Variants in TRIM48 observed in about 807,000 individuals in gnomAD.
The protein encoded by TRIM48 is tripartite motif containing 48.
TRIM48 carries 31 observed loss-of-function variants against 29.5 expected under a neutral mutation model. That is an observed-to-expected ratio of 1.05 (90% CI 0.79 to 1.42). The LOEUF is 1.42. Ranked by LOEUF, TRIM48 falls within the 40% of genes most tolerant of loss-of-function variation. The pLI, the probability that TRIM48 is intolerant of heterozygous loss-of-function variation, is 0.00. For synonymous variants in TRIM48, 128 were observed against 90.6 expected (o/e 1.41, Z -2.34); for missense variants, 344 against 265.0 (o/e 1.30, Z -2.07).
chr11:55,266,856 G>T (rs932146017), intron 3 of TRIM48, among the ~76,000 whole-genome samples: 5 of 147,460 alleles, frequency 3.4e-5, no homozygotes, highest in Admixed American at 1.4e-4. Flanking sequence ...GGGAACCAAA[G>T]AAGTCTATGT....
chr11:55,262,170 A>G lies in TRIM48; in HGVS notation c.-98A>G. The G allele has an allele frequency of 1.1e-6, 1 of 908,558 alleles. No individual in the cohort carries two copies. Among genetic ancestry groups the G allele is most frequent in the Non-Finnish European group, 1.8e-6 (1 of 563,992 alleles). The allele number at this position is 908,558 out of a possible 1,614,324, so 56.3% of individuals were successfully genotyped here. A position where few individuals can be genotyped will look rare whatever the true frequency, so the allele number is the denominator to read the frequency against. On this transcript the variant is annotated 5_prime_UTR_variant, in exon 1 of 6. Transcript: ENST00000417545. Reference sequence around the variant, plus strand: ...AGACAAGCTCAGTTTTCTCCAAAGGAGAAGGAGTGCACTTAGAGGGAGCTG... The same window carrying G: ...AGACAAGCTCAGTTTTCTCCAAAGGGGAAGGAGTGCACTTAGAGGGAGCTG...
intron 3 of TRIM48, among the ~76,000 whole-genome samples, chr11:55,268,051 G>T (rs979018225): frequency 6.8e-6 from 1 of 147,736 alleles, no homozygotes; most frequent in African/African-American, 2.5e-5. Flanking sequence ...TGGATAATAG[G>T]TTCTGGGAAA....
chr11:55,268,365 T>A lies in TRIM48; in HGVS notation c.571T>A (p.Leu191Ile). The change falls in exon 4 of 6, where the codon TTA (leucine) becomes ATA (isoleucine). Residue 191 changes from leucine (L) to isoleucine (I), a missense_variant. By Grantham distance (5) the Leu-to-Ile change is conservative (BLOSUM62 2). Coordinates refer to ENST00000417545, the MANE Select transcript of TRIM48 (RefSeq NM_024114.5). ...ISHWKAFGDI[L>I]YRSESVLLHM... is the part of the protein sequence containing the mutation. Reference sequence around the variant, plus strand: ...TTTTTTACAGGCTTTTGGAGACATATTATACAGGTGAGTATGTACCTGGAT... The same window carrying A: ...TTTTTTACAGGCTTTTGGAGACATAATATACAGGTGAGTATGTACCTGGAT... The A allele has an allele frequency of 6.4e-7, 1 of 1,554,536 alleles. No individual in the cohort carries two copies. The highest frequency in any genetic ancestry group is 8.7e-7 in the Non-Finnish European group (1 of 1,143,760).
In TRIM48 at chr11:55,265,109, G is replaced by T. The variant is rs199871070; in HGVS notation, c.254G>T (p.Arg85Leu). ...CAGAGAAACCTCAAAACTAACATTC[G>T]ATTGAAGAAGATGGCTTCCCTTGCC... ...IQQRNLKTNI[R>L]LKKMASLARK... The change falls in exon 2 of 6, where the codon CGA becomes CTA. Residue 85 changes from arginine to leucine, a missense_variant. Physicochemically the swap from Arg to Leu is moderately radical, Grantham distance 102 (BLOSUM62 -2). Coordinates refer to ENST00000417545, the MANE Select transcript of TRIM48 (RefSeq NM_024114.5). 5 of 1,582,676 alleles carry T rather than the reference G, an allele frequency of 3.2e-6. 2 individuals carry two copies. The East Asian group carries it at 9.7e-5, about 31-fold the overall frequency.
chr11:55,268,400 T>C (rs1857425801), intron 4 of TRIM48, 28 bp downstream of exon 4: 2 of 1,535,888 alleles, frequency 1.3e-6, no homozygotes, highest in Non-Finnish European at 1.8e-6. Flanking sequence ...TTTTAGCATA[T>C]GTTCTTTCAC....
Position 55,265,110 on chromosome 11 carries a change from A to T in TRIM48, c.255A>T (p.Arg85=), listed in dbSNP as rs200511293. The T allele has an allele frequency of 5.1e-6, 8 of 1,582,770 alleles. 2 individuals carry two copies. The highest frequency in any genetic ancestry group is 1.7e-6 in the Non-Finnish European group (2 of 1,166,112). ...AGAGAAACCTCAAAACTAACATTCG[A>T]TTGAAGAAGATGGCTTCCCTTGCCA... is the stretch of plus-strand genomic sequence containing the variant. ...IQQRNLKTNI[R]LKKMASLARK... The change falls in exon 2 of 6, where the codon CGA becomes CGT. Residue 85 remains arginine (R), a synonymous_variant. Coordinates refer to ENST00000417545, the MANE Select transcript of TRIM48 (RefSeq NM_024114.5).
Position 55,262,209 on chromosome 11 carries a change from T to C in TRIM48, c.-59T>C, listed in dbSNP as rs184242393. On this transcript the variant is annotated 5_prime_UTR_variant, in exon 1 of 6. Coordinates refer to ENST00000417545, the MANE Select transcript of TRIM48 (RefSeq NM_024114.5). ...TAGAGGGAGCTGTGTTTTGGTGACC[T>C]CTGAAACTCAGTACTGCAGCGAATG... The C allele has an allele frequency of 3.1e-5, 43 of 1,409,744 alleles. No individual in the cohort carries two copies. The highest frequency in any genetic ancestry group is 2.7e-4 in the African/African-American group (19 of 70,182). The allele number at this position is 1,409,744 out of a possible 1,614,324, so 87.3% of individuals were successfully genotyped here.
chr11:55,268,437 A>G (rs1169868083), intron 4 of TRIM48, 65 bp downstream of exon 4: 1 of 1,436,022 alleles, frequency 7.0e-7, no homozygotes, highest in African/African-American at 1.4e-5. Flanking sequence ...AGCAGGCTCT[A>G]CCAAAGTCAT....
In TRIM48 at chr11:55,268,302, A is replaced by G. The variant is rs772555440; in HGVS notation, c.556-48A>G. 3.5e-6 allele frequency: 5 copies of G among 1,441,396 alleles called. 1 individual carries two copies. The highest frequency in any genetic ancestry group is 1.8e-5 in the Admixed American group (1 of 56,688). 89.3% of individuals were successfully genotyped at this position (1,441,396 alleles called of 1,614,324 possible). A position where few individuals can be genotyped will look rare whatever the true frequency, so the allele number is the denominator to read the frequency against. ...AATTTCACACTGAACTTAATGAAAG[A>G]TGCATCTTGTGAACTGCACTAAATC... On this transcript the variant is annotated intron_variant, in intron 3 of 5. Coordinates refer to ENST00000417545, the MANE Select transcript of TRIM48 (RefSeq NM_024114.5).
In TRIM48 at chr11:55,265,108, C is replaced by G; in HGVS notation, c.253C>G (p.Arg85Gly). Residue 85 changes from arginine (R) to glycine (G), a missense_variant, in exon 2 of 6, where the codon CGA becomes GGA. Physicochemically the swap from Arg to Gly is moderately radical, Grantham distance 125. Transcript: ENST00000417545. ...IQQRNLKTNIRLKKMASLARK... is the reference protein window; with the variant it reads ...IQQRNLKTNIGLKKMASLARK... ...GCAGAGAAACCTCAAAACTAACATT[C>G]GATTGAAGAAGATGGCTTCCCTTGC... 2 of 1,582,808 alleles carry G rather than the reference C, an allele frequency of 1.3e-6. No individual in the cohort carries two copies. The highest frequency in any genetic ancestry group is 8.6e-7 in the Non-Finnish European group (1 of 1,166,098).
chr11:55,267,406 G>A lies in TRIM48; in HGVS notation c.556-944G>A, dbSNP rs182283244. The A allele has an allele frequency of 1.0e-4, 158 of 1,575,504 alleles. 15 individuals are homozygous for A. Among genetic ancestry groups the A allele is most frequent in the African/African-American group, 7.9e-4 (58 of 73,426 alleles). On this transcript the variant is annotated intron_variant, in intron 3 of 5. Coordinates refer to ENST00000417545, the MANE Select transcript of TRIM48 (RefSeq NM_024114.5). ...TTTTGACTAACCCATTATTACTGCCGTATTATGTGAATGTAAGGCTAGAAG... is the reference window on the plus strand; with the variant it reads ...TTTTGACTAACCCATTATTACTGCCATATTATGTGAATGTAAGGCTAGAAG...
intron 1 of TRIM48, among the ~76,000 whole-genome samples, chr11:55,263,133 TG>T (rs1369398550): frequency 2.0e-5 from 3 of 152,122 alleles, no homozygotes. Flanking sequence ...CCACACATGG[TG>T]GTCACATAAG....
chr11:55,266,960 T>G (rs1247540954), intron 3 of TRIM48, among the ~76,000 whole-genome samples: 2 of 147,594 alleles, frequency 1.4e-5, no homozygotes, highest in African/African-American at 5.0e-5. Flanking sequence ...TTAGGATAGG[T>G]TTTGCTGGGC....
At chr11:55,267,291 A>G in intron 3 of TRIM48, 1 of 1,227,160 alleles carries the variant, frequency 8.1e-7, no homozygotes, top group African/African-American at 1.5e-5. Flanking sequence ...GGATTCTAAG[A>G]ACTGGCAAGA....
At chr11:55,265,796 TCAA>T in intron 3 of TRIM48, 101 bp downstream of exon 3, 8 of 752,108 alleles carry the variant, frequency 1.1e-5, no homozygotes, top group South Asian at 3.7e-5. Flanking sequence ...TTTCTGGGAG[TCAA>T]AAAAAAAAAA....
In TRIM48 at chr11:55,270,032, C is replaced by A. The variant is rs1487618739; in HGVS notation, c.*2-405C>A. Among the ~76,000 whole-genome samples the A allele has an allele frequency of 2.0e-5, 3 of 147,680 alleles. 1 individual carries two copies. Among genetic ancestry groups the A allele is most frequent in the Non-Finnish European group, 4.5e-5 (3 of 66,882 alleles). On this transcript the variant is annotated intron_variant, in intron 5 of 5. Coordinates refer to ENST00000417545, the MANE Select transcript of TRIM48 (RefSeq NM_024114.5). ...TTTTATCCAGTTATCTAGAGCAGTT[C>A]TTGAGTAACTGAAAATCTTCACATG...
intron 4 of TRIM48, among the ~76,000 whole-genome samples, chr11:55,268,578 T>C (rs1277278016): frequency 6.8e-6 from 1 of 147,428 alleles, no homozygotes; most frequent in African/African-American, 2.5e-5. Context: ...TTAAAAAACA[T>C]GTTTATTCCT....
Position 55,265,042 on chromosome 11 carries a change from C to A in TRIM48, c.187C>A (p.Pro63Thr), listed in dbSNP as rs201031596. The A allele has an allele frequency of 1.5e-5, 23 of 1,584,048 alleles. 2 individuals are homozygous for A. Among genetic ancestry groups the A allele is most frequent in the Non-Finnish European group, 1.9e-5 (22 of 1,166,182 alleles). Residue 63 changes from proline to threonine, a missense_variant, in exon 2 of 6, where the codon CCA becomes ACA. Physicochemically the swap from Pro to Thr is conservative, Grantham distance 38. Coordinates refer to ENST00000417545, the MANE Select transcript of TRIM48 (RefSeq NM_024114.5). The part of the protein sequence containing the change: ...PCFYLNWQDI[P>T]ILTQCFECIK... ...TTTCTACCTCAACTGGCAAGACATC[C>A]CAATTCTTACTCAGTGCTTTGAATG...
intron 1 of TRIM48, among the ~76,000 whole-genome samples, chr11:55,262,716 G>T (rs997669918): frequency 4.4e-4 from 67 of 151,864 alleles, no homozygotes; most frequent in African/African-American, 1.2e-3. Flanking sequence ...AATTAGTAAG[G>T]TAATGATGAG....
Sources: gnomAD v4.1 joint callset for allele counts (sites outside exome capture counted in the v4.1 genomes callset) on GRCh38, gnomAD v4.1.1 for gene constraint, MANE v1.5 for transcripts, NCBI Gene and HGNC (gene_info 2026-07-23, HGNC 2026-07-21) for gene names.